AP3M1: variants seen among roughly 807,000 people sequenced by gnomAD.
The protein encoded by AP3M1 is AP-3 complex subunit mu-1.
Under a neutral mutation model 42.6 loss-of-function variants are expected in AP3M1, and 29 were observed. The ratio of observed to expected loss-of-function variants is 0.68; its 90% CI spans 0.51 to 0.93. The LOEUF (loss-of-function observed/expected upper bound fraction) is 0.93. Among genes scored for constraint, AP3M1 ranks in the 40% least tolerant of loss-of-function variants. The pLI is 0.00. For missense variants in AP3M1, 416 were observed against 510.2 expected (o/e 0.82, Z 1.78); for synonymous variants, 178 against 175.3 (o/e 1.02, Z -0.12).
chr10:74,130,104 T>G, intron 4 of AP3M1, 112 bp from the exon 5 acceptor site: 1 of 805,936 alleles, frequency 1.2e-6, no homozygotes, highest in Non-Finnish European at 2.0e-6. Context: ...AGAGTCTTGC[T>G]CTGTTGCCAA....
intron 1 of AP3M1, among the ~76,000 whole-genome samples, chr10:74,144,215 C>T (rs1364998536): frequency 6.6e-6 from 1 of 152,222 alleles, no homozygotes; most frequent in Non-Finnish European, 1.5e-5. Flanking sequence ...CCCGCCTCGG[C>T]CTCCCAAAGT....
At chr10:74,128,734 A>G (rs1435490856) in intron 6 of AP3M1, 1 of 155,358 alleles carries the variant, frequency 6.4e-6, no homozygotes, top group African/African-American at 2.4e-5. Context: ...CTCTGCTTGC[A>G]AAGTACTCAG....
chr10:74,135,669 G>A (rs1263232138), intron 3 of AP3M1, among the ~76,000 whole-genome samples: 2 of 152,104 alleles, frequency 1.3e-5, no homozygotes, highest in East Asian at 3.9e-4. Flanking sequence ...TACATCATGT[G>A]TATTTATTTT....
rs538470752 is a variant in AP3M1, at chr10:74,133,132, C to T, written c.583+895G>A. Among the ~76,000 whole-genome samples, 13 of 152,148 alleles carry T rather than the reference C, an allele frequency of 8.5e-5. No individual in the cohort carries two copies. The South Asian group carries it at 2.3e-3, about 27-fold the overall frequency. On this transcript the variant is annotated intron_variant, in intron 4 of 8. Transcript: ENST00000355264. ...AGCCAGGGCCGGGAGCGGTGGCTCA[C>T]GCCTGTAATCCTAACACTTTGGGAG...
chr10:74,123,831 T>C lies in AP3M1; in HGVS notation c.1236A>G (p.Gly412=). The C allele has an allele frequency of 1.9e-6, 3 of 1,614,198 alleles. No homozygotes were observed. The highest frequency in any genetic ancestry group is 2.5e-6 in the Non-Finnish European group (3 of 1,180,026). Reference sequence around the variant, plus strand: ...CTTCTCATGTCCTCACTTGGAACTTTCCAGCTTTCGTGACGTATTTGACTC... The same window carrying C: ...CTTCTCATGTCCTCACTTGGAACTTCCCAGCTTTCGTGACGTATTTGACTC... ...FKGVKYVTKA[G]KFQVRT The change falls in exon 9 of 9, where the codon GGA becomes GGG. Residue 412 remains glycine, a synonymous_variant. Coordinates refer to ENST00000355264, the MANE Select transcript of AP3M1 (RefSeq NM_012095.6).
chr10:74,127,829 G>A (rs149223201), intron 6 of AP3M1, among the ~76,000 whole-genome samples: 5 of 151,426 alleles, frequency 3.3e-5, no homozygotes, highest in Admixed American at 2.0e-4. Flanking sequence ...GGCCAGGCAC[G>A]GTGGCTCACG....
At chr10:74,132,855 G>A (rs1353272523) in intron 4 of AP3M1, among the ~76,000 whole-genome samples, 1 of 152,196 alleles carries the variant, frequency 6.6e-6, no homozygotes, top group African/African-American at 2.4e-5. Context: ...GAGGTACATA[G>A]GGTAATAATT....
chr10:74,144,182 C>T (rs540193345), intron 1 of AP3M1, among the ~76,000 whole-genome samples: 60 of 152,268 alleles, frequency 3.9e-4, no homozygotes, highest in Middle Eastern at 3.4e-3. Flanking sequence ...AGGATGGTCT[C>T]GATCTCCGGA....
chr10:74,128,244 A>AT (rs113305142), intron 6 of AP3M1, among the ~76,000 whole-genome samples: 26,145 of 145,334 alleles, frequency 0.18, 2,732 homozygotes, highest in African/African-American at 0.3. Flanking sequence ...CCAATGCTAA[A>AT]TTTTTTTTTT....
intron 6 of AP3M1, 165 bp downstream of exon 6, chr10:74,128,943 T>G (rs139128870): frequency 2.9e-6 from 2 of 694,698 alleles, no homozygotes; most frequent in African/African-American, 1.8e-5. Flanking sequence ...AGTATACGGA[T>G]TATTTTAGGT....
Position 74,123,687 on chromosome 10 carries a change from G to A in AP3M1, c.*123C>T, listed in dbSNP as rs759718423. ...TTGATAACTAAGTAACTTTGTTAGC[G>A]GTGTGTAGCTAGACACAAATGCTTT... On this transcript the variant is annotated 3_prime_UTR_variant, in exon 9 of 9. Transcript: ENST00000355264. 88 of 744,224 alleles carry A rather than the reference G, an allele frequency of 1.2e-4. 1 individual carries two copies. Among genetic ancestry groups the A allele is most frequent in the Non-Finnish European group, 6.5e-5 (28 of 427,840 alleles). 46.1% of individuals were successfully genotyped at this position (744,224 alleles called of 1,614,324 possible).
At chr10:74,136,591 T>G in intron 3 of AP3M1, 41 bp downstream of exon 3, 1 of 1,404,996 alleles carries the variant, frequency 7.1e-7, no homozygotes, top group Non-Finnish European at 9.5e-7. Context: ...TTTACAAAGT[T>G]TTAATTGCTC....
chr10:74,149,387 T>C (rs2132010037), intron 1 of AP3M1, among the ~76,000 whole-genome samples: 1 of 144,652 alleles, frequency 6.9e-6, no homozygotes, highest in South Asian at 2.3e-4. Context: ...CCTCCCGGGT[T>C]CAAGGGATTC....
At chr10:74,125,141 A>G (rs1445245166) in intron 7 of AP3M1, among the ~76,000 whole-genome samples, 1 of 152,168 alleles carries the variant, frequency 6.6e-6, no homozygotes, top group South Asian at 2.1e-4. Context: ...CACCATGCCC[A>G]GCTAATTTTG....
Position 74,134,081 on chromosome 10 carries a change from T to C in AP3M1, c.529A>G (p.Asn177Asp). 3.7e-6 allele frequency: 6 copies of C among 1,614,210 alleles called. No homozygotes were observed. The highest frequency in any genetic ancestry group is 5.1e-6 in the Non-Finnish European group (6 of 1,180,022). ...WRRAGVKYTN[N>D]EAYFDVVEEI... ...TCAACAACATCAAAATAGGCTTCATTGTTTGTGTACTTTACCCCTGCCCGA... is the reference window on the plus strand; with the variant it reads ...TCAACAACATCAAAATAGGCTTCATCGTTTGTGTACTTTACCCCTGCCCGA... The change falls in exon 4 of 9, where the codon AAT (asparagine) becomes GAT (aspartate). Residue 177 changes from asparagine to aspartate, a missense_variant. Physicochemically the swap from Asn to Asp is conservative, Grantham distance 23. Transcript: ENST00000355264.
chr10:74,145,519 G>A lies in AP3M1; in HGVS notation c.-4+5236C>T, dbSNP rs114110256. On this transcript the variant is annotated intron_variant, in intron 1 of 8. Transcript: ENST00000355264. Reference sequence around the variant, plus strand: ...GCATATAACAATTAAATAATACCATGTTGCAGTGTAAATTAGCCTGTTTCT... The same window carrying A: ...GCATATAACAATTAAATAATACCATATTGCAGTGTAAATTAGCCTGTTTCT... Among the ~76,000 whole-genome samples, 695 of 152,292 alleles carry A rather than the reference G, an allele frequency of 4.6e-3. 6 individuals carry two copies. Among genetic ancestry groups the A allele is most frequent in the African/African-American group, 0.015 (634 of 41,556 alleles).
intron 2 of AP3M1, 78 bp from the exon 3 acceptor site, chr10:74,136,881 T>A: frequency 9.9e-7 from 1 of 1,010,102 alleles, no homozygotes; most frequent in Non-Finnish European, 1.4e-6. Flanking sequence ...TTCTGAAGAA[T>A]AAACTTAGAG....
At chr10:74,136,547 A>G (rs1840949733) in intron 3 of AP3M1, 85 bp downstream of exon 3, 2 of 1,094,212 alleles carry the variant, frequency 1.8e-6, no homozygotes, top group Non-Finnish European at 2.5e-6. Flanking sequence ...GTACTACCTT[A>G]ATAATATGTC....
At chr10:74,133,042 T>G (rs1840827581) in intron 4 of AP3M1, among the ~76,000 whole-genome samples, 1 of 151,520 alleles carries the variant, frequency 6.6e-6, no homozygotes, top group South Asian at 2.1e-4. Context: ...CACTTGAGGT[T>G]AGGAGCTTGA....
Sources: gnomAD v4.1 joint callset for allele counts (sites outside exome capture counted in the v4.1 genomes callset) on GRCh38, gnomAD v4.1.1 for gene constraint, MANE v1.5 for transcripts, NCBI Gene and HGNC (gene_info 2026-07-23, HGNC 2026-07-21) for gene names.